The following TMEM132E variants were observed in gnomAD, a reference collection of about 807,000 sequenced individuals.
TMEM132E encodes the protein transmembrane protein 132E.
A neutral mutation model predicts 78.5 loss-of-function variants in TMEM132E; 49 were observed. That is an observed-to-expected ratio of 0.62 (90% CI 0.50 to 0.79). TMEM132E has a LOEUF of 0.79. Ranked by LOEUF, TMEM132E falls within the 30% of genes least tolerant of loss-of-function variation. TMEM132E has a pLI of 0.00. For missense variants in TMEM132E, 1,403 were observed against 1,470.9 expected, an observed-to-expected ratio of 0.95 and a Z score of 0.75; for synonymous variants, 715 against 670.6, an observed-to-expected ratio of 1.07 and a Z score of -1.02.
chr17:34,596,256 G>A (rs190093132), intron 1 of TMEM132E, among the ~76,000 whole-genome samples: 21 of 152,332 alleles, frequency 1.4e-4, no homozygotes, highest in Admixed American at 1.2e-3. Flanking sequence ...GCCCTTGGCA[G>A]TTTAAAAATG....
intron 1 of TMEM132E, among the ~76,000 whole-genome samples, chr17:34,624,207 T>A (rs1486759636): frequency 6.6e-6 from 1 of 152,264 alleles, no homozygotes; most frequent in Non-Finnish European, 1.5e-5. Context: ...AGTTCACCGC[T>A]TTTGCGAGGA....
At chr17:34,615,517 A>ATTG (rs1555563514) in intron 1 of TMEM132E, among the ~76,000 whole-genome samples, 1 of 140,770 alleles carries the variant, frequency 7.1e-6, no homozygotes, top group Non-Finnish European at 1.5e-5. Flanking sequence ...ACTGGCACAG[A>ATTG]TGTGTGTGTG....
intron 1 of TMEM132E, among the ~76,000 whole-genome samples, chr17:34,596,072 A>G (rs8066135): frequency 0.77 from 114,359 of 149,154 alleles, 44,272 homozygotes; most frequent in Admixed American, 0.84. Flanking sequence ...ACACACGCAC[A>G]ACTTGCATTC....
intron 1 of TMEM132E, among the ~76,000 whole-genome samples, chr17:34,618,985 C>T (rs1567717503): frequency 6.6e-6 from 1 of 152,188 alleles, no homozygotes; most frequent in Admixed American, 6.5e-5. Flanking sequence ...TCAGCTTCCT[C>T]CACCGCAGGT....
chr17:34,613,349 T>C (rs569464432), intron 1 of TMEM132E, among the ~76,000 whole-genome samples: 6 of 151,972 alleles, frequency 3.9e-5, no homozygotes, highest in East Asian at 2.0e-4. Flanking sequence ...AGTCATTTAG[T>C]GTAACTCTGA....
At position 34,580,392 on chromosome 17, in the gene TMEM132E, T is replaced by G. The variant is rs1044077322; in HGVS notation, c.-685T>G. ...CGCGCTGGAGCGGAGGAGCGAGCCT[T>G]GCGAGGGGACAAACATCTGGCCGCC... is the stretch of plus-strand genomic sequence containing the variant. On this transcript the variant is annotated 5_prime_UTR_variant, in exon 1 of 9. Coordinates refer to ENST00000631683, the MANE Select transcript of TMEM132E (RefSeq NM_001304438.2). 1 of 152,404 alleles carries G rather than the reference T, an allele frequency of 6.6e-6. No individual in the cohort carries two copies. The highest frequency in any genetic ancestry group is 1.5e-5 in the Non-Finnish European group (1 of 68,194). The allele number at this position is 152,404 out of a possible 1,614,324, so 9.4% of individuals were successfully genotyped here.
At chr17:34,581,991 G>A (rs1366135047) in intron 1 of TMEM132E, among the ~76,000 whole-genome samples, 2 of 151,902 alleles carry the variant, frequency 1.3e-5, no homozygotes, top group Non-Finnish European at 2.9e-5. Context: ...GGCTGCAGCG[G>A]GCCTTCCGCA....
intron 1 of TMEM132E, among the ~76,000 whole-genome samples, chr17:34,586,541 G>C (rs541324666): frequency 4.6e-5 from 7 of 151,270 alleles, no homozygotes; most frequent in Non-Finnish European, 7.4e-5. Flanking sequence ...TGCAACAAGT[G>C]GGGGGGGACA....
rs749429771 is a variant in TMEM132E at position 34,626,519 on chromosome 17, G to A, written c.460G>A (p.Asp154Asn). Reference protein sequence around the residue: ...VLFYVAGRDWDDFGVTERLPC... With the variant: ...VLFYVAGRDWNDFGVTERLPC... ...GTTCTACGTAGCCGGCCGGGACTGGGACGACTTCGGCGTCACCGAGCGGCT... is the reference window on the plus strand; with the variant it reads ...GTTCTACGTAGCCGGCCGGGACTGGAACGACTTCGGCGTCACCGAGCGGCT... The change falls in exon 2 of 9, where the codon GAC (aspartate) becomes AAC (asparagine). Residue 154 changes from aspartate (D) to asparagine (N), a missense_variant. Asp to Asn is a conservative substitution (Grantham distance 23). Around this residue, in one of 3 missense-constraint regions of TMEM132E, gnomAD observed 511 missense variants for 499.0 expected, o/e 1.02. Transcript: ENST00000631683. The A allele has an allele frequency of 2.5e-6, 4 of 1,606,254 alleles. No individual in the cohort carries two copies. In the Admixed American group the frequency reaches 6.7e-5, roughly 27 times the overall value.
intron 1 of TMEM132E, among the ~76,000 whole-genome samples, chr17:34,593,392 C>T (rs1181745807): frequency 6.6e-6 from 1 of 152,186 alleles, no homozygotes; most frequent in Non-Finnish European, 1.5e-5. Context: ...ATCTTCATGC[C>T]AACTAGCCAC....
intron 1 of TMEM132E, among the ~76,000 whole-genome samples, chr17:34,611,613 C>T (rs1194426871): frequency 6.6e-6 from 1 of 152,078 alleles, no homozygotes; most frequent in Admixed American, 6.5e-5. Context: ...TCAGGGAGGG[C>T]CCTGTGGGGA....
chr17:34,582,256 G>A (rs1218796547), intron 1 of TMEM132E, among the ~76,000 whole-genome samples: 1 of 152,038 alleles, frequency 6.6e-6, no homozygotes, highest in Non-Finnish European at 1.5e-5. Context: ...CGCATTGGTG[G>A]AGCGCCCTCG....
At chr17:34,622,639 G>A (rs767148263) in intron 1 of TMEM132E, among the ~76,000 whole-genome samples, 2 of 152,302 alleles carry the variant, frequency 1.3e-5, no homozygotes, top group South Asian at 2.1e-4. Context: ...ATGCCCCATT[G>A]ACAAGGAACT....
In TMEM132E at chr17:34,637,420, AC is replaced by A. The variant is rs749290993; in HGVS notation, c.2417del (p.Pro806LeufsTer79). 1 of 1,613,346 alleles carries A rather than the reference AC, an allele frequency of 6.2e-7. No individual in the cohort carries two copies. On this transcript the variant is annotated frameshift_variant, in exon 9 of 9. Transcript: ENST00000631683. LOFTEE classifies it high-confidence loss of function. Reference protein sequence around the residue: ...KTKRKSVLATTPVGLRVHFGR... With the variant: ...KTKRKSVLATXPVGLRVHFGR... ...CAAACGCAAGAGTGTGCTCGCCACG[AC>A]CCCTGTGGGCCTGCGGGTGCACTTT... is the stretch of plus-strand genomic sequence containing the variant.
chr17:34,613,211 A>ACACACACACACACACGCGCGCGCG, intron 1 of TMEM132E, among the ~76,000 whole-genome samples: 7 of 115,852 alleles, frequency 6.0e-5, no homozygotes, highest in South Asian at 3.4e-4. Context: ...ACACACACAC[A>ACACACACACACACACGCGCGCGCG]CGCGCGCGCG....
rs1907311613 is a variant in TMEM132E, at chr17:34,630,291, C to T, written c.1482+140C>T. 6 of 862,846 alleles carry T rather than the reference C, an allele frequency of 7.0e-6. No individual in the cohort carries two copies. In the Admixed American group the frequency reaches 1.8e-4, roughly 25 times the overall value. The allele number at this position is 862,846 out of a possible 1,614,324, so 53.4% of individuals were successfully genotyped here. A position where few individuals can be genotyped will look rare whatever the true frequency, so the allele number is the denominator to read the frequency against. On this transcript the variant is annotated intron_variant, in intron 5 of 8. Coordinates refer to ENST00000631683, the MANE Select transcript of TMEM132E (RefSeq NM_001304438.2). The stretch of plus-strand genomic sequence containing the variant: ...AGGCCTCCCTGTGCTGGGACCCCTT[C>T]TGTTGCAGCAGCTGCCCCCACCTTT...
chr17:34,632,809 A>G lies in TMEM132E; in HGVS notation c.1588A>G (p.Met530Val). Residue 530 changes from methionine (M) to valine (V), a missense_variant, in exon 6 of 9, where the codon ATG (methionine) becomes GTG (valine). Around this residue, in one of 3 missense-constraint regions of TMEM132E, gnomAD observed 888 missense variants for 952.8 expected, o/e 0.93. Transcript: ENST00000631683. ...RYDVLNAPLEMTVWVPKLPLH... is the reference protein window; with the variant it reads ...RYDVLNAPLEVTVWVPKLPLH... The stretch of plus-strand genomic sequence containing the variant: ...CGACGTCCTCAATGCTCCCCTGGAA[A>G]TGACAGTCTGGGTCCCCAAGCTGCC... 6.2e-7 allele frequency: 1 copy of G among 1,614,166 alleles called. No homozygotes were observed. The highest frequency in any genetic ancestry group is 8.5e-7 in the Non-Finnish European group (1 of 1,180,026).
intron 6 of TMEM132E, among the ~76,000 whole-genome samples, chr17:34,634,507 G>GA (rs1361382399): frequency 2.0e-5 from 3 of 152,262 alleles, no homozygotes; most frequent in South Asian, 4.1e-4. Context: ...TACTGAAGAA[G>GA]AGGCAGCAGT....
intron 1 of TMEM132E, among the ~76,000 whole-genome samples, chr17:34,624,931 G>T (rs1303890601): frequency 6.6e-6 from 1 of 152,212 alleles, no homozygotes; most frequent in African/African-American, 2.4e-5. Context: ...TGTTTTTACA[G>T]TTGAGGAATG....
Sources: gnomAD v4.1 joint callset for allele counts (sites outside exome capture counted in the v4.1 genomes callset) on GRCh38, gnomAD v4.1.1 for gene constraint, gnomAD v4.1.1 regional missense constraint, MANE v1.5 for transcripts, NCBI Gene and HGNC (gene_info 2026-07-23, HGNC 2026-07-21) for gene names.